TNFSF4: variants seen among roughly 807,000 people sequenced by gnomAD.
The protein encoded by TNFSF4 is tumor necrosis factor ligand superfamily member 4.
In TNFSF4, 4 loss-of-function variants were observed where a neutral mutation model predicts 7.3. The ratio of observed to expected loss-of-function variants is 0.55; its 90% confidence interval spans 0.27 to 1.25. The LOEUF (loss-of-function observed/expected upper bound fraction) is 1.25. Among genes scored for constraint, TNFSF4 ranks in the 50% most tolerant of loss-of-function variants. The pLI is 0.12. For missense variants in TNFSF4, 181 were observed against 208.8 expected (o/e 0.87, Z 0.82); for synonymous variants, 76 against 83.7 (o/e 0.91, Z 0.50).
At chr1:173,287,166 C>CA in the TNFSF4 span, among the ~76,000 whole-genome samples, 643 of 150,120 alleles carry the variant, frequency 4.3e-3, 5 homozygotes, top group African/African-American at 0.014. Flanking sequence ...GATGTCTCCA[C>CA]AAAAAAAAAG....
At chr1:173,281,097 C>T in the TNFSF4 span, among the ~76,000 whole-genome samples, 2 of 151,914 alleles carry the variant, frequency 1.3e-5, no homozygotes, top group Admixed American at 6.6e-5. Flanking sequence ...GGTTCATAAG[C>T]GTGATAATTG....
At chr1:173,437,094 T>C in the TNFSF4 span, among the ~76,000 whole-genome samples, 26 of 152,252 alleles carry the variant, frequency 1.7e-4, no homozygotes, top group Admixed American at 7.2e-4. Context: ...GTATGTATTG[T>C]CACACATCGT....
At chr1:173,320,500 A>G in the TNFSF4 span, among the ~76,000 whole-genome samples, 1 of 152,136 alleles carries the variant, frequency 6.6e-6, no homozygotes, top group African/African-American at 2.4e-5. Flanking sequence ...GGAAAAAGAA[A>G]TAAAGGGTAT....
the TNFSF4 span, among the ~76,000 whole-genome samples, chr1:173,251,223 C>A: frequency 1.3e-5 from 2 of 152,196 alleles, no homozygotes; most frequent in African/African-American, 4.8e-5. Flanking sequence ...AAAATAAAAA[C>A]AGCTTTGCTC....
chr1:173,374,858 G>A, the TNFSF4 span, among the ~76,000 whole-genome samples: 2 of 152,046 alleles, frequency 1.3e-5, no homozygotes, highest in Non-Finnish European at 2.9e-5. Flanking sequence ...CTACTTATAG[G>A]GTTAGGAATA....
chr1:173,391,930 C>A, the TNFSF4 span, among the ~76,000 whole-genome samples: 1 of 152,216 alleles, frequency 6.6e-6, no homozygotes, highest in African/African-American at 2.4e-5. Context: ...GCTCAATCAT[C>A]ATGACCTTTA....
At chr1:173,447,708 TAGAA>T in the TNFSF4 span, among the ~76,000 whole-genome samples, 2 of 151,788 alleles carry the variant, frequency 1.3e-5, no homozygotes, top group East Asian at 3.9e-4. Context: ...GAGACATCAA[TAGAA>T]AGGGAAAACA....
At chr1:173,340,827 G>T in the TNFSF4 span, among the ~76,000 whole-genome samples, 1 of 152,046 alleles carries the variant, frequency 6.6e-6, no homozygotes, top group Non-Finnish European at 1.5e-5. Context: ...GCAATAAGAT[G>T]CCCTGTCTGT....
the TNFSF4 span, among the ~76,000 whole-genome samples, chr1:173,370,558 G>A: frequency 6.6e-6 from 1 of 152,170 alleles, no homozygotes; most frequent in Non-Finnish European, 1.5e-5. Flanking sequence ...AGTGGCTATG[G>A]GAGGCCTTAA....
At chr1:173,353,642 G>A in the TNFSF4 span, among the ~76,000 whole-genome samples, 617 of 152,230 alleles carry the variant, frequency 4.1e-3, 6 homozygotes, top group African/African-American at 0.013. Context: ...ACAGAATTTC[G>A]TAAGAGCCAT....
chr1:173,436,968 G>C, the TNFSF4 span, among the ~76,000 whole-genome samples: 1 of 152,320 alleles, frequency 6.6e-6, no homozygotes, highest in South Asian at 2.1e-4. Flanking sequence ...CGTGTTATGA[G>C]TATCTTTGTT....
At chr1:173,332,642 T>A in the TNFSF4 span, among the ~76,000 whole-genome samples, 6 of 152,052 alleles carry the variant, frequency 3.9e-5, no homozygotes, top group Non-Finnish European at 8.8e-5. Context: ...GATCACGAGG[T>A]CAGGAGTTCA....
chr1:173,339,590 T>C, the TNFSF4 span, among the ~76,000 whole-genome samples: 7 of 152,304 alleles, frequency 4.6e-5, no homozygotes, highest in Middle Eastern at 0.01. Flanking sequence ...TTCTTCCCTC[T>C]CTTATTCTCT....
chr1:173,248,143 C>G, the TNFSF4 span, among the ~76,000 whole-genome samples: 1 of 152,040 alleles, frequency 6.6e-6, no homozygotes, highest in South Asian at 2.1e-4. Context: ...ATCACGAGGT[C>G]AGGAGATTGA....
the TNFSF4 span, among the ~76,000 whole-genome samples, chr1:173,332,304 G>A: frequency 2.0e-5 from 3 of 152,150 alleles, no homozygotes; most frequent in African/African-American, 7.2e-5. Flanking sequence ...GGGCTGAGGG[G>A]AAGACTAACA....
chr1:173,443,628 T>A, the TNFSF4 span, among the ~76,000 whole-genome samples: 1 of 152,168 alleles, frequency 6.6e-6, no homozygotes, highest in African/African-American at 2.4e-5. Context: ...ACCCTCAGGC[T>A]CTTGACTCCA....
chr1:173,402,680 C>T, the TNFSF4 span, among the ~76,000 whole-genome samples: 1 of 152,130 alleles, frequency 6.6e-6, no homozygotes, highest in African/African-American at 2.4e-5. Context: ...CTTGATGACC[C>T]CATCATATAG....
the TNFSF4 span, among the ~76,000 whole-genome samples, chr1:173,445,463 C>T: frequency 2.6e-5 from 4 of 152,062 alleles, no homozygotes. Flanking sequence ...ATTCTCATTC[C>T]CTCCCCCATT....
chr1:173,242,877 T>C, the TNFSF4 span, among the ~76,000 whole-genome samples: 1 of 152,092 alleles, frequency 6.6e-6, no homozygotes. Context: ...TGTAAAATAA[T>C]AAATGTTTGT....
Sources: gnomAD v4.1 joint callset for allele counts (sites outside exome capture counted in the v4.1 genomes callset) on GRCh38, gnomAD v4.1.1 for gene constraint, MANE v1.5 for transcripts, NCBI Gene and HGNC (gene_info 2026-07-23, HGNC 2026-07-21) for gene names.